CCDC91: variants seen among roughly 807,000 people sequenced by gnomAD.
CCDC91 encodes coiled-coil domain containing 91.
CCDC91 carries 48 observed loss-of-function variants against 63.2 expected under a neutral mutation model. That is an observed-to-expected ratio of 0.76 (90% CI 0.60 to 0.97). CCDC91 has a LOEUF of 0.97. Ranked by LOEUF, CCDC91 falls within the 50% of genes least tolerant of loss-of-function variation. CCDC91 has a pLI of 0.00. For synonymous variants in CCDC91, 167 were observed against 165.8 expected, an observed-to-expected ratio of 1.01 and a Z score of -0.06; for missense variants, 500 against 494.6, an observed-to-expected ratio of 1.01 and a Z score of -0.10.
intron 8 of CCDC91, among the ~76,000 whole-genome samples, chr12:28,439,808 A>G (rs1565975335): frequency 6.7e-6 from 1 of 149,270 alleles, no homozygotes; most frequent in African/African-American, 2.5e-5. Flanking sequence ...TGAATCAAAC[A>G]TTTTCACTTG....
chr12:28,347,301 A>G (rs1017618830), intron 6 of CCDC91, among the ~76,000 whole-genome samples: 3 of 151,912 alleles, frequency 2.0e-5, no homozygotes, highest in African/African-American at 7.3e-5. Context: ...TTGCTCTGAG[A>G]CTCTTTAGAG....
chr12:28,384,300 G>T (rs1158424457), intron 7 of CCDC91, among the ~76,000 whole-genome samples: 1 of 152,062 alleles, frequency 6.6e-6, no homozygotes, highest in Non-Finnish European at 1.5e-5. Context: ...AGTACTGCTT[G>T]CAAGAACATG....
chr12:28,302,077 T>C (rs1715553587), intron 3 of CCDC91, among the ~76,000 whole-genome samples: 1 of 151,940 alleles, frequency 6.6e-6, no homozygotes. Flanking sequence ...AATTTTCTTT[T>C]TTGTTTCTTT....
intron 8 of CCDC91, among the ~76,000 whole-genome samples, chr12:28,406,398 C>T (rs528891275): frequency 1.3e-5 from 2 of 151,996 alleles, no homozygotes; most frequent in African/African-American, 2.4e-5. Flanking sequence ...CTAGCTAGGT[C>T]GTATGATCAA....
intron 6 of CCDC91, among the ~76,000 whole-genome samples, chr12:28,358,900 T>C (rs1230626301): frequency 6.6e-6 from 1 of 152,000 alleles, no homozygotes; most frequent in Admixed American, 6.5e-5. Context: ...CACCAATACT[T>C]TTTTTTTCTT....
At chr12:28,529,034 T>A (rs1361711480) in intron 12 of CCDC91, among the ~76,000 whole-genome samples, 2 of 152,054 alleles carry the variant, frequency 1.3e-5, no homozygotes, top group African/African-American at 2.4e-5. Context: ...TATATATATA[T>A]AAAAGTATAT....
intron 6 of CCDC91, among the ~76,000 whole-genome samples, chr12:28,328,447 T>C (rs1280887416): frequency 2.0e-5 from 3 of 152,200 alleles, no homozygotes; most frequent in Non-Finnish European, 4.4e-5. Flanking sequence ...TCTGTAGTTA[T>C]TGTCAAAACA....
intron 12 of CCDC91, among the ~76,000 whole-genome samples, chr12:28,521,789 T>C (rs1415272867): frequency 9.2e-5 from 14 of 152,192 alleles, no homozygotes; most frequent in African/African-American, 3.4e-4. Context: ...TGAAGCGTTG[T>C]TGAGTTTTGT....
intron 6 of CCDC91, chr12:28,319,432 C>T (rs1592295475): frequency 6.6e-6 from 1 of 152,104 alleles, no homozygotes; most frequent in East Asian, 1.9e-4. Context: ...GGATAAACCT[C>T]ATTGGCTACG....
At chr12:28,311,718 A>AT (rs1178266684) in intron 6 of CCDC91, among the ~76,000 whole-genome samples, 2 of 151,436 alleles carry the variant, frequency 1.3e-5, no homozygotes, top group Non-Finnish European at 2.9e-5. Context: ...TTTTTTTTAA[A>AT]TTTTTTTTCC....
chr12:28,403,085 A>G (rs1565918493), intron 8 of CCDC91, among the ~76,000 whole-genome samples: 1 of 152,106 alleles, frequency 6.6e-6, no homozygotes, highest in Non-Finnish European at 1.5e-5. Context: ...AATGTTTATG[A>G]TTATTGATCT....
intron 3 of CCDC91, among the ~76,000 whole-genome samples, chr12:28,276,149 C>A (rs374781282): frequency 4.0e-5 from 6 of 151,716 alleles, no homozygotes; most frequent in Admixed American, 2.0e-4. Flanking sequence ...AATTTATATT[C>A]CTTGATTATT....
chr12:28,306,932 A>G lies in CCDC91; in HGVS notation c.458A>G (p.Gln153Arg), dbSNP rs1938803440. The G allele has an allele frequency of 2.5e-6, 4 of 1,601,844 alleles. No homozygotes were observed. The highest frequency in any genetic ancestry group is 1.1e-5 in the South Asian group (1 of 90,524). Residue 153 changes from glutamine to arginine, a missense_variant, in exon 5 of 13, where the codon CAG becomes CGG. Physicochemically the swap from Gln to Arg is conservative, Grantham distance 43. Coordinates refer to ENST00000536442, the MANE Select transcript of CCDC91 (RefSeq NM_018318.5). ...IKLKVSEEEK[Q>R]RIKQDVESLM... is the part of the protein sequence containing the mutation. The stretch of plus-strand genomic sequence containing the variant: ...CTCAAAGTATCTGAAGAAGAAAAAC[A>G]GAGAATTAAACAGGTATATTTACAT...
rs533580348 is a variant in CCDC91 at position 28,288,181 on chromosome 12, G to A, written c.110-17468G>A. Among the ~76,000 whole-genome samples the A allele has an allele frequency of 2.6e-5, 4 of 152,210 alleles. No homozygotes were observed. In the South Asian group the frequency reaches 8.3e-4, roughly 32 times the overall value. ...GTTTGACTTCCTTTCTTTTTATTTG[G>A]ATGTACTTTATTTCTTTCTCTTTCC... On this transcript the variant is annotated intron_variant, in intron 3 of 12. Transcript: ENST00000536442.
intron 3 of CCDC91, among the ~76,000 whole-genome samples, chr12:28,262,273 AAG>A (rs1946871804): frequency 6.6e-6 from 1 of 152,084 alleles, no homozygotes; most frequent in Non-Finnish European, 1.5e-5. Context: ...ATATTTTAAA[AAG>A]ACATGATGAT....
At chr12:28,505,111 G>C (rs899922761) in intron 12 of CCDC91, among the ~76,000 whole-genome samples, 6 of 151,874 alleles carry the variant, frequency 4.0e-5, no homozygotes, top group Non-Finnish European at 8.8e-5. Context: ...ATTCAGCAAG[G>C]ACCAGAAAAT....
At chr12:28,193,110 G>A (rs1444827357) in intron 1 of CCDC91, among the ~76,000 whole-genome samples, 3 of 152,144 alleles carry the variant, frequency 2.0e-5, no homozygotes, top group Non-Finnish European at 4.4e-5. Flanking sequence ...ATTTCATTGT[G>A]TGAATATATC....
intron 1 of CCDC91, chr12:28,255,550 AG>A (rs1255146892): frequency 6.6e-6 from 1 of 152,182 alleles, no homozygotes; most frequent in African/African-American, 2.4e-5. Context: ...CATCATCAAA[AG>A]TTTCTGAAAG....
chr12:28,422,407 T>C (rs1365112056), intron 8 of CCDC91, among the ~76,000 whole-genome samples: 1 of 152,106 alleles, frequency 6.6e-6, no homozygotes, highest in African/African-American at 2.4e-5. Context: ...CTTAATTTTG[T>C]ATACAGTGGT....
Sources: allele counts gnomAD v4.1 joint callset (sites outside exome capture counted in the v4.1 genomes callset), GRCh38; gene constraint gnomAD v4.1.1; transcripts MANE v1.5; gene names NCBI Gene and HGNC (gene_info 2026-07-23, HGNC 2026-07-21).